Variants in LHX8 observed in about 807,000 individuals in gnomAD.
LHX8 encodes the protein LIM/homeobox protein Lhx8.
In LHX8, 12 loss-of-function variants were observed where a neutral mutation model predicts 40.3. The observed-to-expected ratio is 0.30, with a 90% CI of 0.19 to 0.48. The LOEUF (loss-of-function observed/expected upper bound fraction) is 0.48, where lower values mean the gene tolerates loss of function less well. Among genes scored for constraint, LHX8 ranks in the 20% least tolerant of loss-of-function variants. The pLI is 0.99. For missense variants in LHX8, 344 were observed against 433.7 expected (o/e 0.79, Z 1.84); for synonymous variants, 179 against 162.0 (o/e 1.10, Z -0.80).
intron 6 of LHX8, among the ~76,000 whole-genome samples, chr1:75,146,321 T>C (rs190841362): frequency 7.9e-5 from 12 of 152,184 alleles, no homozygotes; most frequent in Non-Finnish European, 1.8e-4. Flanking sequence ...CTATAGAGAT[T>C]TATGGGGAGA....
At chr1:75,143,066 A>C (rs1648359972) in intron 4 of LHX8, 52 bp from the exon 5 acceptor site, 4 of 1,386,568 alleles carry the variant, frequency 2.9e-6, no homozygotes, top group Non-Finnish European at 4.1e-6. Context: ...CGACTGATGA[A>C]TATCTCACCA....
At chr1:75,137,415 C>A (rs1459708375) in intron 3 of LHX8, among the ~76,000 whole-genome samples, 154 bp downstream of exon 3, 1 of 152,188 alleles carries the variant, frequency 6.6e-6, no homozygotes, top group Non-Finnish European at 1.5e-5. Context: ...TAGGGCAACT[C>A]ATGCGGTGGG....
At chr1:75,184,066 A>G in the LHX8 span, among the ~76,000 whole-genome samples, 1 of 152,212 alleles carries the variant, frequency 6.6e-6, no homozygotes. Flanking sequence ...GCAATTCAAC[A>G]AGAAGACCTA....
intron 5 of LHX8, among the ~76,000 whole-genome samples, chr1:75,143,632 TAACTTTTTG>T (rs1648379166): frequency 6.6e-6 from 1 of 152,204 alleles, no homozygotes; most frequent in Admixed American, 6.5e-5. Flanking sequence ...TGTGTACTTC[TAACTTTTTG>T]AACTTTTCAC....
At chr1:75,172,806 A>T in the LHX8 span, among the ~76,000 whole-genome samples, 1 of 152,172 alleles carries the variant, frequency 6.6e-6, no homozygotes, top group Admixed American at 6.5e-5. Context: ...TAGAAATGGA[A>T]ACAAAAATAA....
At chr1:75,183,959 A>G in the LHX8 span, among the ~76,000 whole-genome samples, 1 of 152,246 alleles carries the variant, frequency 6.6e-6, no homozygotes, top group Non-Finnish European at 1.5e-5. Context: ...GAAATCAGAT[A>G]AAAGCCAGAT....
At chr1:75,180,075 C>G in the LHX8 span, among the ~76,000 whole-genome samples, 1 of 152,138 alleles carries the variant, frequency 6.6e-6, no homozygotes, top group African/African-American at 2.4e-5. Context: ...AGTCTGATAG[C>G]CTTCCCTTTG....
chr1:75,156,266 G>T (rs891140584), intron 7 of LHX8, among the ~76,000 whole-genome samples: 2 of 151,904 alleles, frequency 1.3e-5, no homozygotes, highest in Non-Finnish European at 2.9e-5. Context: ...TTTTGAGACA[G>T]AGTCTTGCTA....
chr1:75,139,492 G>A (rs1648252373), intron 3 of LHX8, among the ~76,000 whole-genome samples: 1 of 152,028 alleles, frequency 6.6e-6, no homozygotes, highest in Admixed American at 6.6e-5. Context: ...AATACAGAAG[G>A]CCCTAAACAG....
intron 7 of LHX8, among the ~76,000 whole-genome samples, chr1:75,151,236 G>A (rs1210245089): frequency 1.3e-5 from 2 of 152,130 alleles, no homozygotes; most frequent in Non-Finnish European, 2.9e-5. Context: ...AAAGACCTAG[G>A]GTTCACAGTG....
intron 7 of LHX8, 152 bp downstream of exon 7, chr1:75,148,834 AC>A (rs912583317): frequency 1.6e-6 from 1 of 638,698 alleles, no homozygotes; most frequent in African/African-American, 1.8e-5. Flanking sequence ...GAGCCACTGT[AC>A]CTGGCCACAG....
Position 75,157,010 on chromosome 1 carries a change from A to G in LHX8, c.898A>G (p.Met300Val), listed in dbSNP as rs747102164. The G allele has an allele frequency of 6.2e-7, 1 of 1,614,164 alleles. No individual in the cohort carries two copies. Among genetic ancestry groups the G allele is most frequent in the South Asian group, 1.1e-5 (1 of 91,086 alleles). Residue 300 changes from methionine (M) to valine (V), a missense_variant, in exon 8 of 9, where the codon ATG (methionine) becomes GTG (valine). Met to Val is a conservative substitution (Grantham distance 21). This residue lies in a region of LHX8 where 89 missense variants were observed against 92.8 expected (regional missense o/e 0.96). Coordinates refer to ENST00000356261, the MANE Select transcript of LHX8 (RefSeq NM_001256114.2). ...GCTGTCTCCACCCATGTTAGAAGAA[A>G]TGGCTTATTCTGCCTACGTGCCCCA... ...SRLSPPMLEE[M>V]AYSAYVPQDG... is the part of the protein sequence containing the mutation.
chr1:75,147,587 G>A (rs898481354), intron 6 of LHX8, among the ~76,000 whole-genome samples: 20 of 152,188 alleles, frequency 1.3e-4, no homozygotes, highest in African/African-American at 4.8e-4. Context: ...GTCCAGCAGT[G>A]CTTGAGGTCT....
chr1:75,137,135 C>T lies in LHX8; in HGVS notation c.111C>T (p.Cys37=). The change falls in exon 3 of 9, where the codon TGC becomes TGT. Residue 37 remains cysteine, a synonymous_variant. Transcript: ENST00000356261. ...AGGGAGCGGGGGACGAGGACTCGTG[C>T]TCCTCCTCGGCCCCGCTGTCCCCGT... ...SPEGAGDEDS[C]SSSAPLSPSS... is the part of the protein sequence containing the mutation. 6.2e-7 allele frequency: 1 copy of T among 1,611,134 alleles called. No homozygotes were observed. Among genetic ancestry groups the T allele is most frequent in the South Asian group, 1.1e-5 (1 of 90,968 alleles).
chr1:75,130,610 C>G, upstream of LHX8: 1 of 1,044,536 alleles, frequency 9.6e-7, no homozygotes, highest in Non-Finnish European at 1.5e-6. Context: ...TAAAAGCACC[C>G]CTCTCTTACC....
the LHX8 span, among the ~76,000 whole-genome samples, chr1:75,191,542 C>T: frequency 1.3e-5 from 2 of 152,172 alleles, no homozygotes; most frequent in East Asian, 3.9e-4. Flanking sequence ...CAGCCAGTGT[C>T]CTTGATCCTG....
chr1:75,161,398 GCTT>G lies in LHX8; in HGVS notation c.*506_*508del, dbSNP rs1419878515. ...ATGTTTTCTGAATGAACTGAATAAA[GCTT>G]CTGTTGTAGCATGCCATGCAAACAC... On this transcript the variant is annotated 3_prime_UTR_variant, in exon 9 of 9. Coordinates refer to ENST00000356261, the MANE Select transcript of LHX8 (RefSeq NM_001256114.2). 6.0e-6 allele frequency: 1 copy of G among 166,302 alleles called. No individual in the cohort carries two copies. 10.3% of individuals were successfully genotyped at this position (166,302 alleles called of 1,614,324 possible). A position where few individuals can be genotyped will look rare whatever the true frequency, so the allele number is the denominator to read the frequency against.
the LHX8 span, among the ~76,000 whole-genome samples, chr1:75,171,054 AC>A: frequency 6.6e-6 from 1 of 152,176 alleles, no homozygotes; most frequent in African/African-American, 2.4e-5. Context: ...CACATATGAT[AC>A]AGTGAAAGTT....
chr1:75,141,131 TAG>T (rs1443538607), intron 4 of LHX8, 25 bp downstream of exon 4: 1 of 1,609,738 alleles, frequency 6.2e-7, no homozygotes, highest in East Asian at 2.2e-5. Context: ...TTTTTCTTAG[TAG>T]ATACTTGAAT....
Sources: gnomAD v4.1 joint callset for allele counts (sites outside exome capture counted in the v4.1 genomes callset) on GRCh38, gnomAD v4.1.1 for gene constraint, gnomAD v4.1.1 regional missense constraint, MANE v1.5 for transcripts, NCBI Gene and HGNC (gene_info 2026-07-23, HGNC 2026-07-21) for gene names.